Variants in MUTYH observed in about 807,000 individuals in gnomAD.
MUTYH encodes the protein mutY DNA glycosylase.
A neutral mutation model predicts 72.9 loss-of-function variants in MUTYH; 64 were observed. The observed-to-expected ratio is 0.88, with a 90% confidence interval of 0.72 to 1.08. The LOEUF (loss-of-function observed/expected upper bound fraction) is 1.08, where lower values mean the gene tolerates loss of function less well. MUTYH is among the 50% of genes least tolerant of loss of function. The pLI is 0.00. For synonymous variants in MUTYH, 234 were observed against 263.1 expected (o/e 0.89, Z 1.07); for missense variants, 633 against 671.0 (o/e 0.94, Z 0.63).
At position 45,331,241 on chromosome 1, in the gene MUTYH, C is replaced by CACCTGGTGGT. The variant is rs2149112377; in HGVS notation, c.1323_1332dup (p.Ala445ThrfsTer62). 6.2e-7 allele frequency: 1 copy of CACCTGGTGGT among 1,614,224 alleles called. No homozygotes were observed. On this transcript the variant is annotated frameshift_variant, in exon 14 of 16. Transcript: ENST00000456914. LOFTEE classifies it high-confidence loss of function. ...AATTCCTCCTGCGTCAGCCAGCGAG[C>CACCTGGTGGT]ACCTGGTGGTACGGTGGTCACTGGG...
rs755651654 is a variant in MUTYH, at chr1:45,331,456, C to T, written c.1203G>A (p.Gly401=). Residue 401 remains glycine (G), a synonymous_variant, in exon 13 of 16, where the codon GGG becomes GGA. Transcript: ENST00000456914. ...ALLQELQRWA[G]PLPATHLRHL... ...GCCGGAGGTGCGTGGCTGGGAGGGG[C>T]CCAGCCCAACGCTGTAGTTCCTGCA... 3 of 1,614,222 alleles carry T rather than the reference C, an allele frequency of 1.9e-6. No homozygotes were observed. The highest frequency in any genetic ancestry group is 2.5e-6 in the Non-Finnish European group (3 of 1,180,040).
At chr1:45,329,962 G>A in intron 15 of MUTYH, 1 of 164,136 alleles carries the variant, frequency 6.1e-6, no homozygotes, top group South Asian at 1.6e-4. Context: ...GATGGGTGTG[G>A]TGGCTCACGC....
At chr1:45,331,033 C>A in intron 14 of MUTYH, 149 bp downstream of exon 14, 1 of 1,072,854 alleles carries the variant, frequency 9.3e-7, no homozygotes, top group South Asian at 1.4e-5. Context: ...TGCAGTCAAC[C>A]GAGATAGCGC....
At chr1:45,336,356 T>A (rs1645887200) in intron 1 of MUTYH, among the ~76,000 whole-genome samples, 2 of 152,220 alleles carry the variant, frequency 1.3e-5, no homozygotes. Context: ...CTACCCCTTG[T>A]CAGGCCTCTG....
rs2149167154 is a variant in MUTYH, at chr1:45,333,189, C to T, written c.305-19G>A. On this transcript the variant is annotated intron_variant, in intron 4 of 15. Transcript: ENST00000456914. ...ACCCACACTGGGGGAAAGGGGTTGGCATGAGGACACTGCTGACCTGCCCCT... is the reference window on the plus strand; with the variant it reads ...ACCCACACTGGGGGAAAGGGGTTGGTATGAGGACACTGCTGACCTGCCCCT... 2.5e-6 allele frequency: 4 copies of T among 1,614,212 alleles called. No individual in the cohort carries two copies. The highest frequency in any genetic ancestry group is 3.4e-6 in the Non-Finnish European group (4 of 1,180,026).
rs201678305 is a variant in MUTYH, at chr1:45,332,838, T to C, written c.421-4A>G. On this transcript the variant is annotated splice_polypyrimidine_tract_variant and splice_region_variant and intron_variant, in intron 6 of 15. Transcript: ENST00000456914. ...CAGCCCAGAGTTGATTCACCTCCTG[T>C]GGGTAGGATCAGAGGTCAAAGAGAT... The C allele has an allele frequency of 9.0e-4, 1,454 of 1,614,192 alleles. 8 individuals are homozygous for C. In the African/African-American group the frequency reaches 0.017, roughly 19 times the overall value.
In MUTYH at chr1:45,339,789, T is replaced by C; in HGVS notation, c.-7+110A>G. The stretch of plus-strand genomic sequence containing the variant: ...TACCGATGCCCAGAACGCCCTTCTT[T>C]CCCCCACACGACCCTCTCCTAGTCT... On this transcript the variant is annotated intron_variant, in intron 1 of 15. Transcript: ENST00000456914. 3 of 1,248,480 alleles carry C rather than the reference T, an allele frequency of 2.4e-6. 1 individual carries two copies. In the South Asian group the frequency reaches 3.8e-5, roughly 16 times the overall value. 77.3% of individuals were successfully genotyped at this position (1,248,480 alleles called of 1,614,324 possible).
chr1:45,330,228 CAAAAAAAAAAAAA>C (rs34168747), intron 15 of MUTYH, among the ~76,000 whole-genome samples: 74 of 62,974 alleles, frequency 1.2e-3, no homozygotes, highest in Middle Eastern at 0.01. Flanking sequence ...GAGACTGTCT[CAAAAAAAAAAAAA>C]AAAAAAAAAA....
In MUTYH at chr1:45,331,509, AG is replaced by A. The variant is rs2149120608; in HGVS notation, c.1149del (p.Ser384GlnfsTer40). 6.2e-7 allele frequency: 1 copy of A among 1,614,130 alleles called. No individual in the cohort carries two copies. Among genetic ancestry groups the A allele is most frequent in the Non-Finnish European group, 8.5e-7 (1 of 1,180,030 alleles). ...AGGGCCTTGCGCTGAAGCTGCTCTGAGGGCTCCCAGGTCACGGACGGGAACT... is the reference window on the plus strand; with the variant it reads ...AGGGCCTTGCGCTGAAGCTGCTCTGAGGCTCCCAGGTCACGGACGGGAACT... ...LWEFPSVTWE[P>X]SEQLQRKALL... On this transcript the variant is annotated frameshift_variant, in exon 13 of 16. Coordinates refer to ENST00000456914, the MANE Select transcript of MUTYH (RefSeq NM_001048174.2). LOFTEE classifies it high-confidence loss of function.
rs1196038451 is a variant in MUTYH, at chr1:45,329,403, C to T, written c.1469G>A (p.Ser490Asn). The part of the protein sequence containing the change: ...SKRSQVSSPC[S>N]RKKPRMGQQV... Reference sequence around the variant, plus strand: ...CTGGCCCATGCGGGGCTTTTTCCGACTGCACGGAGAGGACACCTGGGACCT... The same window carrying T: ...CTGGCCCATGCGGGGCTTTTTCCGATTGCACGGAGAGGACACCTGGGACCT... Residue 490 changes from serine to asparagine, a missense_variant, in exon 16 of 16, where the codon AGT (serine) becomes AAT (asparagine). Coordinates refer to ENST00000456914, the MANE Select transcript of MUTYH (RefSeq NM_001048174.2). 1.9e-6 allele frequency: 3 copies of T among 1,614,150 alleles called. No homozygotes were observed. Among genetic ancestry groups the T allele is most frequent in the African/African-American group, 2.7e-5 (2 of 75,036 alleles).
rs886046366 is a variant in MUTYH at position 45,331,710 on chromosome 1, C to G, written c.1053G>C (p.Gln351His). The G allele has an allele frequency of 1.9e-6, 3 of 1,614,166 alleles. No individual in the cohort carries two copies. In the South Asian group the frequency reaches 3.3e-5, roughly 18 times the overall value. Residue 351 changes from glutamine to histidine, a missense_variant, in exon 12 of 16, where the codon CAG (glutamine) becomes CAC (histidine). Physicochemically the swap from Gln to His is conservative, Grantham distance 24 (BLOSUM62 0). Coordinates refer to ENST00000456914, the MANE Select transcript of MUTYH (RefSeq NM_001048174.2). ...GAATTTGGGCCCCAAGGGCCCCAGG[C>G]TGTTCCAGAACACAGGTGGCAGAGC... Reference protein sequence around the residue: ...EESSATCVLEQPGALGAQILL... With the variant: ...EESSATCVLEHPGALGAQILL...
At chr1:45,331,585 C>T (rs1304006407) in intron 12 of MUTYH, 29 bp from the exon 13 acceptor site, 8 of 1,613,482 alleles carry the variant, frequency 5.0e-6, no homozygotes, top group Non-Finnish European at 6.8e-6. Context: ...AGGCAGGGGT[C>T]AGGCCTCAGC....
At chr1:45,339,834 A>G (rs1334261524) in intron 1 of MUTYH, 65 bp downstream of exon 1, 6 of 1,325,118 alleles carry the variant, frequency 4.5e-6, no homozygotes, top group South Asian at 1.2e-5. Context: ...GCGTGCTTTA[A>G]GCTCAGCTCA....
intron 2 of MUTYH, 186 bp from the exon 3 acceptor site, chr1:45,333,747 T>A: frequency 1.1e-6 from 1 of 877,426 alleles, no homozygotes; most frequent in Non-Finnish European, 1.7e-6. Flanking sequence ...GTTTCTGGCC[T>A]TAATTTTCTC....
chr1:45,331,552 C>A lies in MUTYH; in HGVS notation c.1107G>T (p.Leu369=), dbSNP rs201412035. The A allele has an allele frequency of 1.1e-4, 176 of 1,613,844 alleles. No individual in the cohort carries two copies. The highest frequency in any genetic ancestry group is 1.4e-4 in the Non-Finnish European group (171 of 1,180,048). The change falls in exon 13 of 16, where the codon CTG becomes CTT. Residue 369 remains leucine, a synonymous_variant. Transcript: ENST00000456914. ...ACGGGAACTCCCACAGTCCTGCCAG[C>A]AGACCTGAGAGGGAGGGCAGCCAGG... ...ILLVQRPNSG[L]LAGLWEFPSV...
At position 45,329,266 on chromosome 1, in the gene MUTYH, T is replaced by A. The variant is rs1644333710; in HGVS notation, c.*40A>T. 1 of 1,613,640 alleles carries A rather than the reference T, an allele frequency of 6.2e-7. No individual in the cohort carries two copies. Among genetic ancestry groups the A allele is most frequent in the Non-Finnish European group, 8.5e-7 (1 of 1,179,614 alleles). ...ATAACTACAAAAATAAGCACTTTAC[T>A]AACAACAGGATTCTCAGGGAATGGG... On this transcript the variant is annotated 3_prime_UTR_variant, in exon 16 of 16. Coordinates refer to ENST00000456914, the MANE Select transcript of MUTYH (RefSeq NM_001048174.2).
rs1570385510 is a variant in MUTYH at position 45,331,763 on chromosome 1, C to T, written c.1000G>A (p.Ala334Thr). 1 of 1,613,900 alleles carries T rather than the reference C, an allele frequency of 6.2e-7. No individual in the cohort carries two copies. The highest frequency in any genetic ancestry group is 1.3e-5 in the African/African-American group (1 of 75,050). ...TLGVVNFPRK[A>T]SRKPPREESS... ...TCCTCCCTGGGGGGCTTGCGGCTGG[C>T]CTTTCTGGGGAAGTTGACCACTCCC... Residue 334 changes from alanine to threonine, a missense_variant, in exon 12 of 16, where the codon GCC becomes ACC. Ala to Thr is a moderately conservative substitution (Grantham distance 58). Transcript: ENST00000456914.
intron 1 of MUTYH, among the ~76,000 whole-genome samples, chr1:45,337,314 C>T (rs1454534359): frequency 2.6e-5 from 4 of 151,648 alleles, no homozygotes; most frequent in Non-Finnish European, 4.4e-5. Flanking sequence ...ACCACCACCA[C>T]ATCCAGCTAA....
intron 1 of MUTYH, among the ~76,000 whole-genome samples, chr1:45,337,684 CTA>C (rs1344028886): frequency 6.6e-6 from 1 of 152,040 alleles, no homozygotes. Context: ...CTGCAGTGAG[CTA>C]TGATTGTGCC....
Sources: allele counts gnomAD v4.1 joint callset (sites outside exome capture counted in the v4.1 genomes callset), GRCh38; gene constraint gnomAD v4.1.1; transcripts MANE v1.5; gene names NCBI Gene and HGNC (gene_info 2026-07-23, HGNC 2026-07-21).